The following YWHAH variants were observed in gnomAD, a reference collection of about 807,000 sequenced individuals.
YWHAH encodes the protein 14-3-3 protein eta.
YWHAH carries 6 observed loss-of-function variants against 22.9 expected under a neutral mutation model. The ratio of observed to expected loss-of-function variants is 0.26; its 90% CI spans 0.14 to 0.52. The LOEUF (loss-of-function observed/expected upper bound fraction) is 0.52. YWHAH is among the 20% of genes least tolerant of loss of function. The pLI, the probability that YWHAH is intolerant of heterozygous loss-of-function variation, is 0.97. For missense variants in YWHAH, 173 were observed against 308.6 expected, an observed-to-expected ratio of 0.56 and a Z score of 3.29; for synonymous variants, 135 against 124.5, an observed-to-expected ratio of 1.08 and a Z score of -0.56.
chr22:31,945,044 G>C, intron 1 of YWHAH: 2 of 1,116,054 alleles, frequency 1.8e-6, no homozygotes, highest in African/African-American at 1.6e-5. Flanking sequence ...TGCAGTTCGG[G>C]ATCGCGAAGG....
At chr22:31,947,298 C>T in intron 1 of YWHAH, 1 of 404,020 alleles carries the variant, frequency 2.5e-6, no homozygotes. Flanking sequence ...TTGAAACTTA[C>T]ATCTTGGCTT....
At chr22:31,946,433 C>G (rs568637309) in intron 1 of YWHAH, among the ~76,000 whole-genome samples, 1 of 152,334 alleles carries the variant, frequency 6.6e-6, no homozygotes, top group African/African-American at 2.4e-5. Flanking sequence ...ACTTAAGCCC[C>G]TCCTCCCCAG....
rs2093850948 is a variant in YWHAH, at chr22:31,957,353, G to C, written c.*561G>C. On this transcript the variant is annotated 3_prime_UTR_variant, in exon 2 of 2. Coordinates refer to ENST00000248975, the MANE Select transcript of YWHAH (RefSeq NM_003405.4). The stretch of plus-strand genomic sequence containing the variant: ...GTTTTGCCTCTTTAAATTATGACGT[G>C]CACAAACCTTCTTTTCAATGCAATG... The C allele has an allele frequency of 6.6e-6, 1 of 151,816 alleles. No individual in the cohort carries two copies. The highest frequency in any genetic ancestry group is 2.1e-4 in the South Asian group (1 of 4,810). 9.4% of individuals were successfully genotyped at this position (151,816 alleles called of 1,614,324 possible).
chr22:31,956,048 T>G lies in YWHAH; in HGVS notation c.88-91T>G. On this transcript the variant is annotated intron_variant, in intron 1 of 1. Coordinates refer to ENST00000248975, the MANE Select transcript of YWHAH (RefSeq NM_003405.4). The surrounding 1 kb of genome is among the most constrained non-coding windows in gnomAD (Gnocchi z 5.1). ...ACTGACCTGTTCGTAATTCCGTTCT[T>G]GAGAAGGATTGTTGATTATGTTGAA... 21 of 1,448,786 alleles carry G rather than the reference T, an allele frequency of 1.4e-5. No individual in the cohort carries two copies. Among genetic ancestry groups the G allele is most frequent in the Non-Finnish European group, 2.0e-5 (21 of 1,073,846 alleles). 89.7% of individuals were successfully genotyped at this position (1,448,786 alleles called of 1,614,324 possible). A position where few individuals can be genotyped will look rare whatever the true frequency, so the allele number is the denominator to read the frequency against.
At position 31,954,213 on chromosome 22, in the gene YWHAH, A is replaced by G. The variant is rs372532706; in HGVS notation, c.88-1926A>G. Among the ~76,000 whole-genome samples, 26 of 152,310 alleles carry G rather than the reference A, an allele frequency of 1.7e-4. No individual in the cohort carries two copies. In the East Asian group the frequency reaches 2.9e-3, roughly 17 times the overall value. ...TCTGTCCTTACAGATTGGTTTAAGTAATACCTTTTTTGTTTAGTGTTTTAT... is the reference window on the plus strand; with the variant it reads ...TCTGTCCTTACAGATTGGTTTAAGTGATACCTTTTTTGTTTAGTGTTTTAT... On this transcript the variant is annotated intron_variant, in intron 1 of 1. Coordinates refer to ENST00000248975, the MANE Select transcript of YWHAH (RefSeq NM_003405.4).
At chr22:31,949,136 CTTTTTT>C (rs760273556) in intron 1 of YWHAH, among the ~76,000 whole-genome samples, 2 of 99,082 alleles carry the variant, frequency 2.0e-5, no homozygotes, top group African/African-American at 9.2e-5. Context: ...ACATATTTTA[CTTTTTT>C]TTTTTTTTTT....
At chr22:31,946,182 G>T (rs1393844224) in intron 1 of YWHAH, among the ~76,000 whole-genome samples, 1 of 152,144 alleles carries the variant, frequency 6.6e-6, no homozygotes, top group Non-Finnish European at 1.5e-5. Flanking sequence ...TGATTTGTTG[G>T]TGATCTTGAC....
At chr22:31,949,136 CTTTTT>C (rs760273556) in intron 1 of YWHAH, among the ~76,000 whole-genome samples, 2 of 99,052 alleles carry the variant, frequency 2.0e-5, no homozygotes, top group South Asian at 3.2e-4. Flanking sequence ...ACATATTTTA[CTTTTT>C]TTTTTTTTTT....
At chr22:31,947,718 C>A (rs1398610823) in intron 1 of YWHAH, among the ~76,000 whole-genome samples, 1 of 152,142 alleles carries the variant, frequency 6.6e-6, no homozygotes, top group Admixed American at 6.5e-5. Context: ...CTAGGCTAGG[C>A]AATTCTAGGC....
rs879636420 is a variant in YWHAH, at chr22:31,944,574, G to A, written c.-160G>A. 69 of 331,982 alleles carry A rather than the reference G, an allele frequency of 2.1e-4. No individual in the cohort carries two copies. The highest frequency in any genetic ancestry group is 3.0e-4 in the Non-Finnish European group (66 of 222,030). The allele number at this position is 331,982 out of a possible 1,614,324, so 20.6% of individuals were successfully genotyped here. On this transcript the variant is annotated 5_prime_UTR_variant, in exon 1 of 2. Transcript: ENST00000248975. ...GAGCCAGCGAGAGGGCGCGAGCGGC[G>A]GCGCTGCCTGCAGCCTGCAGCCTGC...
At chr22:31,953,634 T>A (rs1364036150) in intron 1 of YWHAH, among the ~76,000 whole-genome samples, 2 of 152,134 alleles carry the variant, frequency 1.3e-5, no homozygotes, top group Non-Finnish European at 2.9e-5. Context: ...TCAGCTGGAT[T>A]TAAGGGGAGC....
At chr22:31,952,435 G>T (rs761564436) in intron 1 of YWHAH, among the ~76,000 whole-genome samples, 2 of 152,160 alleles carry the variant, frequency 1.3e-5, no homozygotes, top group Non-Finnish European at 2.9e-5. Flanking sequence ...TAATTTTCCA[G>T]TCTGGGAAAA....
chr22:31,944,903 C>A, intron 1 of YWHAH, 83 bp downstream of exon 1: 1 of 1,180,324 alleles, frequency 8.5e-7, no homozygotes, highest in Non-Finnish European at 1.1e-6. Flanking sequence ...GCGCGTTCCC[C>A]TCCCGGCCAT....
At chr22:31,952,690 TAAACAC>T (rs1271833745) in intron 1 of YWHAH, among the ~76,000 whole-genome samples, 1 of 152,236 alleles carries the variant, frequency 6.6e-6, no homozygotes, top group Non-Finnish European at 1.5e-5. Flanking sequence ...GATTTTTACA[TAAACAC>T]TAATACTCCC....
At chr22:31,950,783 C>G (rs894599758) in intron 1 of YWHAH, among the ~76,000 whole-genome samples, 1 of 152,160 alleles carries the variant, frequency 6.6e-6, no homozygotes, top group South Asian at 2.1e-4. Context: ...GCCCAGTGGC[C>G]TGTAGGACTT....
intron 1 of YWHAH, chr22:31,945,804 C>G: frequency 1.4e-6 from 1 of 738,744 alleles, no homozygotes; most frequent in Non-Finnish European, 1.8e-6. Context: ...CGCCTTAGAC[C>G]TATACATTCA....
intron 1 of YWHAH, among the ~76,000 whole-genome samples, chr22:31,947,728 C>T (rs1603050285): frequency 2.0e-5 from 3 of 152,248 alleles, no homozygotes; most frequent in Admixed American, 1.3e-4. Context: ...CAATTCTAGG[C>T]TACACAATTC....
In YWHAH at chr22:31,956,294, A is replaced by G. The variant is rs201984741; in HGVS notation, c.243A>G (p.Lys81=). ...MADGNEKKLE[K]VKAYREKIEK... is the part of the protein sequence containing the mutation. ...ATGGAAACGAAAAGAAATTGGAGAA[A>G]GTTAAAGCTTACCGGGAGAAGATTG... Residue 81 remains lysine (K), a synonymous_variant, in exon 2 of 2, where the codon AAA becomes AAG. Transcript: ENST00000248975. The surrounding 1 kb of genome is among the most constrained non-coding windows in gnomAD (Gnocchi z 5.1). 3.1e-5 allele frequency: 50 copies of G among 1,614,196 alleles called. No homozygotes were observed. The highest frequency in any genetic ancestry group is 3.3e-5 in the Admixed American group (2 of 60,012).
At chr22:31,946,766 T>C (rs768170830) in intron 1 of YWHAH, among the ~76,000 whole-genome samples, 12 of 152,224 alleles carry the variant, frequency 7.9e-5, no homozygotes, top group Non-Finnish European at 1.3e-4. Flanking sequence ...GCTTGTAAAA[T>C]GCTTTCCTGC....
Sources: allele counts gnomAD v4.1 joint callset (sites outside exome capture counted in the v4.1 genomes callset), GRCh38; gene constraint gnomAD v4.1.1; non-coding constraint Gnocchi (gnomAD v3.1); transcripts MANE v1.5; gene names NCBI Gene and HGNC (gene_info 2026-07-23, HGNC 2026-07-21).